The following TMEM109 variants were observed in gnomAD, a reference collection of about 807,000 sequenced individuals.
TMEM109 encodes the protein voltage-gated monoatomic cation channel TMEM109.
Under a neutral mutation model 26.4 loss-of-function variants are expected in TMEM109, and 19 were observed. The observed-to-expected ratio is 0.72, with a 90% confidence interval of 0.50 to 1.06. The LOEUF (loss-of-function observed/expected upper bound fraction) is 1.06. Ranked by LOEUF, TMEM109 falls within the 50% of genes least tolerant of loss-of-function variation. TMEM109 has a pLI of 0.00. For missense variants in TMEM109, 262 were observed against 303.4 expected (o/e 0.86, Z 1.01); for synonymous variants, 129 against 142.0 (o/e 0.91, Z 0.65).
chr11:60,919,939 G>T lies in TMEM109; in HGVS notation c.237+9G>T. 1 of 1,610,530 alleles carries T rather than the reference G, an allele frequency of 6.2e-7. No homozygotes were observed. The highest frequency in any genetic ancestry group is 8.5e-7 in the Non-Finnish European group (1 of 1,176,780). On this transcript the variant is annotated intron_variant, in intron 2 of 3. Coordinates refer to ENST00000227525, the MANE Select transcript of TMEM109 (RefSeq NM_024092.3). ...TGCACCTGGTGTCAGAGGTAAGGAA[G>T]GTAGTCCCTGTGTGACTACACACAT... is the stretch of plus-strand genomic sequence containing the variant.
rs768289818 is a variant in TMEM109, at chr11:60,919,787, T to C, written c.94T>C (p.Leu32=). The C allele has an allele frequency of 1.6e-5, 26 of 1,614,194 alleles. No individual in the cohort carries two copies. Among genetic ancestry groups the C allele is most frequent in the Admixed American group, 1.2e-4 (7 of 60,028 alleles). ...GGCCCTTATCCTCCTCCACTCAGCA[T>C]TGGCCCAGTCCCGTCGAGACTTTGC... The part of the protein sequence containing the change: ...LVALILLHSA[L]AQSRRDFAPP... Residue 32 remains leucine, a synonymous_variant, in exon 2 of 4, where the codon TTG becomes CTG. Coordinates refer to ENST00000227525, the MANE Select transcript of TMEM109 (RefSeq NM_024092.3).
At chr11:60,917,375 C>T (rs1856184763) in intron 1 of TMEM109, among the ~76,000 whole-genome samples, 1 of 152,184 alleles carries the variant, frequency 6.6e-6, no homozygotes, top group Non-Finnish European at 1.5e-5. Flanking sequence ...CATGAAAACT[C>T]CTGGAGCTAC....
chr11:60,921,096 T>C (rs1856232047), intron 3 of TMEM109, 108 bp downstream of exon 3: 1 of 956,040 alleles, frequency 1.0e-6, no homozygotes, highest in Non-Finnish European at 1.6e-6. Flanking sequence ...TGCTTAACCC[T>C]TCCCAGGATT....
chr11:60,920,185 T>G (rs532394670), intron 2 of TMEM109, among the ~76,000 whole-genome samples: 1 of 152,222 alleles, frequency 6.6e-6, no homozygotes, highest in Non-Finnish European at 1.5e-5. Context: ...ATGAGCCATC[T>G]TTATAAGCCC....
Position 60,922,464 on chromosome 11 carries a change from C to A in TMEM109, c.*299C>A. 8.9e-7 allele frequency: 1 copy of A among 1,119,670 alleles called. No homozygotes were observed. Among genetic ancestry groups the A allele is most frequent in the Non-Finnish European group, 1.2e-6 (1 of 800,096 alleles). The allele number at this position is 1,119,670 out of a possible 1,614,324, so 69.4% of individuals were successfully genotyped here. On this transcript the variant is annotated 3_prime_UTR_variant, in exon 4 of 4. Coordinates refer to ENST00000227525, the MANE Select transcript of TMEM109 (RefSeq NM_024092.3). ...GGCCTCCCTCTGGCTTCTGCATCTG[C>A]GCCAGCAAACATCACTGCCGTTGGT...
chr11:60,921,396 G>A (rs1422704485), intron 3 of TMEM109, among the ~76,000 whole-genome samples: 4 of 152,060 alleles, frequency 2.6e-5, no homozygotes, highest in South Asian at 4.1e-4. Context: ...CTCCAGCCTC[G>A]GCGATGGAGC....
chr11:60,914,939 C>T (rs368333329), intron 1 of TMEM109, among the ~76,000 whole-genome samples: 17 of 152,372 alleles, frequency 1.1e-4, no homozygotes, highest in African/African-American at 3.8e-4. Flanking sequence ...CTGTGCTTCT[C>T]GTGTGGCTGC....
In TMEM109 at chr11:60,922,278, G is replaced by C; in HGVS notation, c.*113G>C. On this transcript the variant is annotated 3_prime_UTR_variant, in exon 4 of 4. Coordinates refer to ENST00000227525, the MANE Select transcript of TMEM109 (RefSeq NM_024092.3). The stretch of plus-strand genomic sequence containing the variant: ...TTCTTGCCCTGTCTCTGAACCTTCA[G>C]AACATTGATCCTTGCCGCAGCCCCA... 7 of 1,544,486 alleles carry C rather than the reference G, an allele frequency of 4.5e-6. No homozygotes were observed. Among genetic ancestry groups the C allele is most frequent in the Non-Finnish European group, 6.1e-6 (7 of 1,146,798 alleles).
rs921035690 is a variant in TMEM109 at position 60,921,042 on chromosome 11, T to C, written c.340+54T>C. The C allele has an allele frequency of 1.0e-5, 15 of 1,454,430 alleles. No homozygotes were observed. The East Asian group carries it at 3.2e-4, about 31-fold the overall frequency. The allele number at this position is 1,454,430 out of a possible 1,614,324, so 90.1% of individuals were successfully genotyped here. ...CAGAGCTTTGCCTGTACTTTCCTAC[T>C]TGTGGGAGTTCATCTTTGTCAGGGT... is the stretch of plus-strand genomic sequence containing the variant. On this transcript the variant is annotated intron_variant, in intron 3 of 3. Coordinates refer to ENST00000227525, the MANE Select transcript of TMEM109 (RefSeq NM_024092.3).
intron 3 of TMEM109, 95 bp downstream of exon 3, chr11:60,921,083 AG>A: frequency 8.9e-7 from 1 of 1,126,220 alleles, no homozygotes; most frequent in South Asian, 1.3e-5. Context: ...CTTTTCCCCA[AG>A]CTGCTTAACC....
chr11:60,918,640 A>T, intron 1 of TMEM109: 1 of 138,740 alleles, frequency 7.2e-6, no homozygotes. Flanking sequence ...AAACTATTTT[A>T]CTGAGGGGAA....
At position 60,922,298 on chromosome 11, in the gene TMEM109, G is replaced by A; in HGVS notation, c.*133G>A. The A allele has an allele frequency of 6.5e-7, 1 of 1,540,584 alleles. No homozygotes were observed. Among genetic ancestry groups the A allele is most frequent in the Non-Finnish European group, 8.7e-7 (1 of 1,146,732 alleles). On this transcript the variant is annotated 3_prime_UTR_variant, in exon 4 of 4. Transcript: ENST00000227525. ...CTTCAGAACATTGATCCTTGCCGCA[G>A]CCCCACTAGCCAAGAGAAACAGAGA... is the stretch of plus-strand genomic sequence containing the variant.
chr11:60,922,655 C>T lies in TMEM109; in HGVS notation c.*490C>T, dbSNP rs757588431. 6 of 307,462 alleles carry T rather than the reference C, an allele frequency of 2.0e-5. No individual in the cohort carries two copies. Among genetic ancestry groups the T allele is most frequent in the African/African-American group, 4.3e-5 (2 of 46,200 alleles). 19.0% of individuals were successfully genotyped at this position (307,462 alleles called of 1,614,324 possible). On this transcript the variant is annotated 3_prime_UTR_variant, in exon 4 of 4. Transcript: ENST00000227525. ...CACCAAACCATGGTCCTTTAAGGCA[C>T]GCTCCTGTCCTCCTCATTGCCCAGC...
chr11:60,920,079 T>C, intron 2 of TMEM109, 149 bp downstream of exon 2: 1 of 668,386 alleles, frequency 1.5e-6, no homozygotes. Context: ...CACTTGTCTT[T>C]GAATTCCTCG....
intron 1 of TMEM109, 51 bp downstream of exon 1, chr11:60,914,319 C>T (rs1856145851): frequency 6.6e-6 from 1 of 152,416 alleles, no homozygotes; most frequent in South Asian, 2.1e-4. Context: ...GAAGGGGAGA[C>T]AGCAGCCGCT....
At chr11:60,916,394 A>G (rs142257927) in intron 1 of TMEM109, among the ~76,000 whole-genome samples, 1 of 152,326 alleles carries the variant, frequency 6.6e-6, no homozygotes, top group African/African-American at 2.4e-5. Context: ...AGTGCCTATT[A>G]TTTGTCTGAG....
In TMEM109 at chr11:60,922,350, C is replaced by T. The variant is rs1308384453; in HGVS notation, c.*185C>T. On this transcript the variant is annotated 3_prime_UTR_variant, in exon 4 of 4. Coordinates refer to ENST00000227525, the MANE Select transcript of TMEM109 (RefSeq NM_024092.3). ...AGACCATTCCCCCTGCCTGTCCTTG[C>T]GGCCCTGTCTTCTGAGGTTCTCTGT... 7 of 1,534,466 alleles carry T rather than the reference C, an allele frequency of 4.6e-6. No individual in the cohort carries two copies. The highest frequency in any genetic ancestry group is 5.2e-6 in the Non-Finnish European group (6 of 1,145,996).
Position 60,922,815 on chromosome 11 carries a change from G to C in TMEM109, c.*650G>C, listed in dbSNP as rs1856264680. 6.1e-6 allele frequency: 1 copy of C among 164,934 alleles called. No homozygotes were observed. The highest frequency in any genetic ancestry group is 1.3e-5 in the Non-Finnish European group (1 of 74,876). 10.2% of individuals were successfully genotyped at this position (164,934 alleles called of 1,614,324 possible). On this transcript the variant is annotated 3_prime_UTR_variant, in exon 4 of 4. Coordinates refer to ENST00000227525, the MANE Select transcript of TMEM109 (RefSeq NM_024092.3). ...AAGTGCCTTAATCCGAGCCAGCAGG[G>C]CCTTCTGCTTGCCTGCTGCCATACT...
Position 60,921,752 on chromosome 11 carries a change from CTG to C in TMEM109, c.341-19_341-18del. On this transcript the variant is annotated intron_variant, in intron 3 of 3. Coordinates refer to ENST00000227525, the MANE Select transcript of TMEM109 (RefSeq NM_024092.3). ...CACCACTTCTCCAGGTTGGCTGACT[CTG>C]TGACTCTCTTGGCTTCCAGGTGATT... 4 of 1,595,206 alleles carry C rather than the reference CTG, an allele frequency of 2.5e-6. No individual in the cohort carries two copies. The highest frequency in any genetic ancestry group is 3.4e-6 in the Non-Finnish European group (4 of 1,172,224).
Sources: allele counts gnomAD v4.1 joint callset (sites outside exome capture counted in the v4.1 genomes callset), GRCh38; gene constraint gnomAD v4.1.1; transcripts MANE v1.5; gene names NCBI Gene and HGNC (gene_info 2026-07-23, HGNC 2026-07-21).